TCERG1: variants seen among roughly 807,000 people sequenced by gnomAD.
TCERG1 encodes the protein transcription elongation regulator 1.
A neutral mutation model predicts 144.7 loss-of-function variants in TCERG1; 37 were observed. That is an observed-to-expected ratio of 0.26 (90% CI 0.20 to 0.34). The LOEUF is 0.34. Among genes scored for constraint, TCERG1 ranks in the 10% least tolerant of loss-of-function variants. The probability of loss-of-function intolerance (pLI) is 1.00; values close to 1 mark genes in which losing one functional copy is unlikely to be tolerated. For synonymous variants in TCERG1, 492 were observed against 458.2 expected (o/e 1.07, Z -0.94); for missense variants, 1,027 against 1,380.7 (o/e 0.74, Z 4.06).
At chr5:146,482,409 A>G in intron 13 of TCERG1, 183 bp from the exon 14 acceptor site, 1 of 448,902 alleles carries the variant, frequency 2.2e-6, no homozygotes, top group Non-Finnish European at 3.9e-6. Flanking sequence ...GCCCATTTTA[A>G]TTTTGTTATT....
At chr5:146,449,392 A>C (rs1350704090) in intron 1 of TCERG1, among the ~76,000 whole-genome samples, 1 of 152,202 alleles carries the variant, frequency 6.6e-6, no homozygotes, top group African/African-American at 2.4e-5. Flanking sequence ...CTTAAGTAAG[A>C]GCCATCTAAA....
intron 5 of TCERG1, among the ~76,000 whole-genome samples, chr5:146,465,159 CATAG>C (rs1763665801): frequency 6.6e-6 from 1 of 152,100 alleles, no homozygotes; most frequent in Admixed American, 6.5e-5. Context: ...AAAACTAAAT[CATAG>C]ATGGAGAATA....
chr5:146,468,782 A>T (rs890111011), intron 6 of TCERG1, among the ~76,000 whole-genome samples: 2 of 152,180 alleles, frequency 1.3e-5, no homozygotes, highest in African/African-American at 4.8e-5. Flanking sequence ...TAGTGAGTAT[A>T]TGTGTGTGAA....
intron 22 of TCERG1, chr5:146,509,951 G>A (rs1768333393): frequency 3.6e-6 from 3 of 841,842 alleles, no homozygotes; most frequent in Non-Finnish European, 4.9e-6. Flanking sequence ...AGTGCTGAGG[G>A]TGTGGTTTTT....
At position 146,504,003 on chromosome 5, in the gene TCERG1, C is replaced by G; in HGVS notation, c.2778C>G (p.Asp926Glu). 1 of 1,569,036 alleles carries G rather than the reference C, an allele frequency of 6.4e-7. No homozygotes were observed. Among genetic ancestry groups the G allele is most frequent in the Non-Finnish European group, 8.6e-7 (1 of 1,161,912 alleles). ...AIQNFKALLSDMVRSSDVSWS... is the reference protein window; with the variant it reads ...AIQNFKALLSEMVRSSDVSWS... ...AGAATTTCAAAGCTCTTCTGTCTGA[C>G]ATGGTATACGTTAATCTTTTACTTT... The change falls in exon 19 of 23, where the codon GAC becomes GAG. Residue 926 changes from aspartate to glutamate, a missense_variant. By Grantham distance (45) the Asp-to-Glu change is conservative. Around this residue, in one of 6 missense-constraint regions of TCERG1, gnomAD observed 133 missense variants for 283.2 expected, o/e 0.47. Transcript: ENST00000679501.
Position 146,506,785 on chromosome 5 carries a change from A to G in TCERG1, c.2782-243A>G, listed in dbSNP as rs377552137. 2.0e-5 allele frequency among the ~76,000 whole-genome samples: 3 copies of G among 152,098 alleles called. No homozygotes were observed. The East Asian group carries it at 5.8e-4, about 29-fold the overall frequency. On this transcript the variant is annotated intron_variant, in intron 19 of 22. Coordinates refer to ENST00000679501, the MANE Select transcript of TCERG1 (RefSeq NM_001382548.1). Reference sequence around the variant, plus strand: ...TGTGTTTCTGTGCTTGACTTATTTCACTTATGTTGTCCTCTAGGTTTATCC... The same window carrying G: ...TGTGTTTCTGTGCTTGACTTATTTCGCTTATGTTGTCCTCTAGGTTTATCC...
intron 5 of TCERG1, among the ~76,000 whole-genome samples, chr5:146,465,314 A>G (rs937841170): frequency 7.2e-5 from 11 of 152,322 alleles, no homozygotes; most frequent in African/African-American, 2.2e-4. Context: ...GAGAGGTAGC[A>G]TGATAATGTT....
At chr5:146,462,926 A>G (rs1184367093) in intron 4 of TCERG1, among the ~76,000 whole-genome samples, 1 of 152,224 alleles carries the variant, frequency 6.6e-6, no homozygotes, top group Non-Finnish European at 1.5e-5. Context: ...AGGCATTCAC[A>G]GAGGGTAACT....
Position 146,507,811 on chromosome 5 carries a change from C to A in TCERG1, c.2962-62C>A. On this transcript the variant is annotated intron_variant, in intron 20 of 22. Transcript: ENST00000679501. This position sits in a 1 kb window ranked among gnomAD's most constrained non-coding sequence, Gnocchi z 4.6. ...TGTAATATTATGTACCTATGTGCTG[C>A]AGTTTGACTCCCTAAGTAAAAGTGA... 1 of 1,122,040 alleles carries A rather than the reference C, an allele frequency of 8.9e-7. No homozygotes were observed. The allele number at this position is 1,122,040 out of a possible 1,614,324, so 69.5% of individuals were successfully genotyped here.
At chr5:146,510,308 A>G in intron 22 of TCERG1, 133 bp from the exon 23 acceptor site, 1 of 809,382 alleles carries the variant, frequency 1.2e-6, no homozygotes. Context: ...CACTGCCGTG[A>G]AATTTTTCTT....
At chr5:146,466,893 G>A (rs568031486) in intron 5 of TCERG1, among the ~76,000 whole-genome samples, 2 of 152,176 alleles carry the variant, frequency 1.3e-5, no homozygotes, top group East Asian at 1.9e-4. Flanking sequence ...AGTAAAGTTC[G>A]TATATTCATA....
At chr5:146,489,944 G>T (rs1216424851) in intron 15 of TCERG1, among the ~76,000 whole-genome samples, 1 of 152,178 alleles carries the variant, frequency 6.6e-6, no homozygotes, top group African/African-American at 2.4e-5. Flanking sequence ...CTTAGAGAGT[G>T]ATTCCTAACC....
intron 15 of TCERG1, 194 bp from the exon 16 acceptor site, chr5:146,492,726 T>C: frequency 2.6e-6 from 1 of 391,602 alleles, no homozygotes; most frequent in Non-Finnish European, 4.6e-6. Context: ...GAAGCCTAAG[T>C]AGAGAGCTGT....
intron 17 of TCERG1, among the ~76,000 whole-genome samples, chr5:146,501,989 G>T (rs1767510348): frequency 6.9e-6 from 1 of 144,880 alleles, no homozygotes; most frequent in South Asian, 2.2e-4. Flanking sequence ...CTGCCTCCTG[G>T]GTTCAGGCAA....
chr5:146,453,707 G>A (rs555331632), intron 1 of TCERG1, among the ~76,000 whole-genome samples: 12 of 152,030 alleles, frequency 7.9e-5, no homozygotes, highest in Admixed American at 2.0e-4. Context: ...GGAGGCTGAG[G>A]TGTGCAGATC....
At chr5:146,483,826 A>G (rs777604365) in intron 15 of TCERG1, among the ~76,000 whole-genome samples, 197 bp downstream of exon 15, 10 of 152,062 alleles carry the variant, frequency 6.6e-5, no homozygotes, top group Non-Finnish European at 1.0e-4. Flanking sequence ...CCTTATGAGC[A>G]TGGCTGTTGT....
At chr5:146,488,150 A>G (rs1207152728) in intron 15 of TCERG1, among the ~76,000 whole-genome samples, 1 of 152,154 alleles carries the variant, frequency 6.6e-6, no homozygotes, top group Non-Finnish European at 1.5e-5. Context: ...TAAAACTACT[A>G]GAAAAAAACC....
At chr5:146,464,540 T>C (rs940874009) in intron 5 of TCERG1, among the ~76,000 whole-genome samples, 6 of 152,216 alleles carry the variant, frequency 3.9e-5, no homozygotes, top group African/African-American at 1.4e-4. Flanking sequence ...TAAGAAATAT[T>C]GTGGAGTGGA....
chr5:146,492,878 T>C, intron 15 of TCERG1, 42 bp from the exon 16 acceptor site: 1 of 1,392,628 alleles, frequency 7.2e-7, no homozygotes, highest in Non-Finnish European at 1.0e-6. Context: ...AAATTACCTA[T>C]ATGAAAGATT....
Sources: gnomAD v4.1 joint callset for allele counts (sites outside exome capture counted in the v4.1 genomes callset) on GRCh38, gnomAD v4.1.1 for gene constraint, gnomAD v4.1.1 regional missense constraint, Gnocchi (gnomAD v3.1) non-coding constraint, MANE v1.5 for transcripts, NCBI Gene and HGNC (gene_info 2026-07-23, HGNC 2026-07-21) for gene names.